Variants in HOOK3 observed in about 807,000 individuals in gnomAD.
HOOK3 encodes hook microtubule tethering protein 3, also known as protein Hook homolog 3.
Under a neutral mutation model 116.3 loss-of-function variants are expected in HOOK3, and 24 were observed. The observed-to-expected ratio is 0.21, with a 90% CI of 0.15 to 0.29. The LOEUF (loss-of-function observed/expected upper bound fraction) is 0.29. Among genes scored for constraint, HOOK3 ranks in the 10% least tolerant of loss-of-function variants. HOOK3 has a pLI of 1.00. For synonymous variants in HOOK3, 275 were observed against 283.0 expected, an observed-to-expected ratio of 0.97 and a Z score of 0.28; for missense variants, 632 against 830.2, an observed-to-expected ratio of 0.76 and a Z score of 2.93.
At position 42,897,180 on chromosome 8, in the gene HOOK3, C is replaced by A; in HGVS notation, c.49C>A (p.Leu17Ile). 8.0e-7 allele frequency: 1 copy of A among 1,247,874 alleles called. No individual in the cohort carries two copies. The allele number at this position is 1,247,874 out of a possible 1,614,324, so 77.3% of individuals were successfully genotyped here. Residue 17 changes from leucine to isoleucine, a missense_variant, in exon 1 of 22, where the codon CTC (leucine) becomes ATC (isoleucine). Leu to Ile is a conservative substitution (Grantham distance 5). Coordinates refer to ENST00000307602, the MANE Select transcript of HOOK3 (RefSeq NM_032410.4). ...LERAELCESL[L>I]TWIQTFNVDA... ...GCGGGCGGAGCTGTGCGAGAGCCTC[C>A]TCACTTGGGTACGTGGGGGCCGCGG...
chr8:42,916,568 ATCCTAT>A (rs1381158244), intron 2 of HOOK3, among the ~76,000 whole-genome samples: 1 of 152,228 alleles, frequency 6.6e-6, no homozygotes, highest in Non-Finnish European at 1.5e-5. Flanking sequence ...CAGCAGTCAC[ATCCTAT>A]TCCCACTTTG....
At chr8:42,934,247 A>T (rs1807923477) in intron 4 of HOOK3, among the ~76,000 whole-genome samples, 1 of 151,742 alleles carries the variant, frequency 6.6e-6, no homozygotes, top group South Asian at 2.1e-4. Flanking sequence ...TTGCCTGTTG[A>T]ATTTTTTCAT....
intron 1 of HOOK3, among the ~76,000 whole-genome samples, chr8:42,900,474 G>A (rs1043030963): frequency 5.3e-5 from 8 of 152,112 alleles, no homozygotes; most frequent in Non-Finnish European, 1.2e-4. Flanking sequence ...TGTCCTTATT[G>A]TTTTCATATT....
intron 5 of HOOK3, among the ~76,000 whole-genome samples, chr8:42,944,189 C>T (rs182748455): frequency 1.4e-4 from 21 of 149,370 alleles, no homozygotes; most frequent in African/African-American, 4.4e-4. Context: ...CCACGGTGGG[C>T]GGATCACTTG....
At chr8:42,912,526 C>T (rs148659485) in intron 2 of HOOK3, among the ~76,000 whole-genome samples, 12 of 152,222 alleles carry the variant, frequency 7.9e-5, no homozygotes, top group African/African-American at 2.6e-4. Context: ...GGTTGTGCAA[C>T]AATGTGAATG....
rs1392298360 is a variant in HOOK3 at position 43,018,609 on chromosome 8, A to C, written c.*111A>C. The C allele has an allele frequency of 1.9e-6, 2 of 1,075,432 alleles. No individual in the cohort carries two copies. Among genetic ancestry groups the C allele is most frequent in the Admixed American group, 6.0e-5 (2 of 33,522 alleles). 66.6% of individuals were successfully genotyped at this position (1,075,432 alleles called of 1,614,324 possible). A position where few individuals can be genotyped will look rare whatever the true frequency, so the allele number is the denominator to read the frequency against. ...TTATTTTTTGTTTCTCTTCTATGTC[A>C]ATACTTAGTGTTTCTCATTTTGAGG... On this transcript the variant is annotated 3_prime_UTR_variant, in exon 22 of 22. Coordinates refer to ENST00000307602, the MANE Select transcript of HOOK3 (RefSeq NM_032410.4).
chr8:43,011,340 G>C (rs936780203), intron 19 of HOOK3, among the ~76,000 whole-genome samples: 2 of 152,090 alleles, frequency 1.3e-5, no homozygotes, highest in African/African-American at 4.8e-5. Flanking sequence ...GATTATGTAA[G>C]TTAATATCTT....
intron 15 of HOOK3, among the ~76,000 whole-genome samples, chr8:42,987,446 C>T (rs943304842): frequency 6.6e-5 from 10 of 152,306 alleles, no homozygotes; most frequent in African/African-American, 2.4e-4. Context: ...TTTCAATTCA[C>T]AGTTGTTGTC....
Position 43,030,270 on chromosome 8 carries a change from C to T in HOOK3, c.*11772C>T, listed in dbSNP as rs372407652. On this transcript the variant is annotated 3_prime_UTR_variant, in exon 22 of 22. Coordinates refer to ENST00000307602, the MANE Select transcript of HOOK3 (RefSeq NM_032410.4). ...CAAAAACATAAAGTCCAGGAAACCA[C>T]CAGAAGATGGATTTTTAGTGTTTTT... 14 of 191,350 alleles carry T rather than the reference C, an allele frequency of 7.3e-5. No homozygotes were observed. Among genetic ancestry groups the T allele is most frequent in the Admixed American group, 1.8e-4 (3 of 16,312 alleles). The allele number at this position is 191,350 out of a possible 1,614,324, so 11.9% of individuals were successfully genotyped here. A position where few individuals can be genotyped will look rare whatever the true frequency, so the allele number is the denominator to read the frequency against.
At chr8:42,989,132 G>C (rs947736053) in intron 15 of HOOK3, among the ~76,000 whole-genome samples, 3 of 152,232 alleles carry the variant, frequency 2.0e-5, no homozygotes, top group Non-Finnish European at 4.4e-5. Context: ...TATTAGAAGA[G>C]GGTGGAGGGT....
intron 1 of HOOK3, among the ~76,000 whole-genome samples, chr8:42,902,942 A>G (rs1472943401): frequency 6.6e-6 from 1 of 152,192 alleles, no homozygotes; most frequent in Admixed American, 6.5e-5. Flanking sequence ...TACAAGAAAG[A>G]TTGGGTTTTC....
At chr8:42,940,075 C>T (rs111541684) in intron 4 of HOOK3, among the ~76,000 whole-genome samples, 7,250 of 151,794 alleles carry the variant, frequency 0.048, 340 homozygotes, top group African/African-American at 0.12. Context: ...ACTTCCCAGA[C>T]GGGGCGGCGG....
intron 1 of HOOK3, among the ~76,000 whole-genome samples, chr8:42,900,660 GAT>G (rs1563286370): frequency 6.6e-6 from 1 of 152,206 alleles, no homozygotes; most frequent in East Asian, 1.9e-4. Flanking sequence ...TACTTAAAAA[GAT>G]AGTATAGCAT....
rs1809522630 is a variant in HOOK3, at chr8:43,007,839, T to C, written c.1656-8T>C. ...CAGTAGTAGGTGATGTTTACCTGTT[T>C]GTTACAGAGAGAAGCTGCATGAGGC... On this transcript the variant is annotated splice_polypyrimidine_tract_variant and splice_region_variant and intron_variant, in intron 17 of 21. Coordinates refer to ENST00000307602, the MANE Select transcript of HOOK3 (RefSeq NM_032410.4). The C allele has an allele frequency of 1.3e-6, 2 of 1,572,176 alleles. No individual in the cohort carries two copies. The highest frequency in any genetic ancestry group is 1.3e-5 in the African/African-American group (1 of 74,432).
At chr8:42,909,355 C>T (rs1807377758) in intron 2 of HOOK3, among the ~76,000 whole-genome samples, 2 of 152,204 alleles carry the variant, frequency 1.3e-5, no homozygotes, top group African/African-American at 4.8e-5. Context: ...ACATTTCTTG[C>T]AGCATTATTC....
intron 6 of HOOK3, among the ~76,000 whole-genome samples, chr8:42,950,733 T>C (rs1255175778): frequency 6.6e-6 from 1 of 152,002 alleles, no homozygotes; most frequent in Admixed American, 6.6e-5. Flanking sequence ...TCACCCAGGC[T>C]AGAGTGCAGT....
chr8:42,952,481 A>G (rs1808361357), intron 6 of HOOK3, among the ~76,000 whole-genome samples: 1 of 152,216 alleles, frequency 6.6e-6, no homozygotes, highest in African/African-American at 2.4e-5. Flanking sequence ...TGATTGAATC[A>G]GTGACCATGA....
At chr8:42,925,012 G>A (rs1455657964) in intron 2 of HOOK3, among the ~76,000 whole-genome samples, 3 of 151,840 alleles carry the variant, frequency 2.0e-5, no homozygotes. Flanking sequence ...CATTGATTAT[G>A]TGTTAACAGT....
chr8:42,990,685 G>A (rs987983016), intron 15 of HOOK3, among the ~76,000 whole-genome samples: 1 of 152,010 alleles, frequency 6.6e-6, no homozygotes, highest in Non-Finnish European at 1.5e-5. Flanking sequence ...AGTTTTTCCT[G>A]TAGAGTTGTT....
Sources: allele counts gnomAD v4.1 joint callset (sites outside exome capture counted in the v4.1 genomes callset), GRCh38; gene constraint gnomAD v4.1.1; transcripts MANE v1.5; gene names NCBI Gene and HGNC (gene_info 2026-07-23, HGNC 2026-07-21).